The following SUPT3H variants were observed in gnomAD, a reference collection of about 807,000 sequenced individuals.
SUPT3H encodes transcription initiation protein SPT3 homolog.
A neutral mutation model predicts 44.3 loss-of-function variants in SUPT3H; 44 were observed. That is an observed-to-expected ratio of 0.99 (90% CI 0.78 to 1.28). The LOEUF (loss-of-function observed/expected upper bound fraction) is 1.28, where lower values mean the gene tolerates loss of function less well. Ranked by LOEUF, SUPT3H falls within the 50% of genes most tolerant of loss-of-function variation. SUPT3H has a pLI of 0.00. For missense variants in SUPT3H, 380 were observed against 387.1 expected (o/e 0.98, Z 0.15); for synonymous variants, 124 against 125.6 (o/e 0.99, Z 0.09).
intron 4 of SUPT3H, among the ~76,000 whole-genome samples, chr6:45,015,919 T>A (rs1004943721): frequency 6.6e-6 from 1 of 152,010 alleles, no homozygotes; most frequent in African/African-American, 2.4e-5. Context: ...TGCATGGAAC[T>A]GTCAGCTCCC....
intron 1 of SUPT3H, among the ~76,000 whole-genome samples, chr6:45,369,312 ACCCAAACT>A (rs1795656333): frequency 1.3e-5 from 2 of 152,050 alleles, no homozygotes; most frequent in Non-Finnish European, 2.9e-5. Context: ...CTCTCAACCT[ACCCAAACT>A]CTACTGACCT....
intron 3 of SUPT3H, chr6:45,099,176 C>G: frequency 3.6e-6 from 1 of 278,314 alleles, no homozygotes; most frequent in Non-Finnish European, 7.1e-6. Context: ...ACCACCCTTT[C>G]CTTTCATGAC....
intron 5 of SUPT3H, among the ~76,000 whole-genome samples, chr6:45,012,729 T>C (rs1231907234): frequency 6.6e-6 from 1 of 152,102 alleles, no homozygotes; most frequent in African/African-American, 2.4e-5. Context: ...ACTTGGCATA[T>C]CTAGTATTTT....
At chr6:45,285,897 G>A (rs935800237) in intron 2 of SUPT3H, among the ~76,000 whole-genome samples, 9 of 151,890 alleles carry the variant, frequency 5.9e-5, no homozygotes, top group African/African-American at 2.2e-4. Flanking sequence ...CAAAACAGAG[G>A]ATATAGACCA....
chr6:45,327,631 C>A (rs144733162), intron 2 of SUPT3H, among the ~76,000 whole-genome samples: 3 of 151,734 alleles, frequency 2.0e-5, no homozygotes, highest in Non-Finnish European at 4.4e-5. Context: ...ACTAGACAGA[C>A]GTGATTTAAA....
At chr6:44,901,443 T>C (rs1232029122) in intron 10 of SUPT3H, among the ~76,000 whole-genome samples, 1 of 151,896 alleles carries the variant, frequency 6.6e-6, no homozygotes, top group Non-Finnish European at 1.5e-5. Flanking sequence ...ATCAAATGAA[T>C]GAAATGAAGC....
At chr6:45,004,214 T>C (rs1408359776) in intron 5 of SUPT3H, among the ~76,000 whole-genome samples, 1 of 151,954 alleles carries the variant, frequency 6.6e-6, no homozygotes, top group Non-Finnish European at 1.5e-5. Flanking sequence ...ACATTAACGT[T>C]AGAAAATACA....
At chr6:45,230,686 A>ATATATATATATATT (rs796866510) in intron 2 of SUPT3H, among the ~76,000 whole-genome samples, 58 of 116,806 alleles carry the variant, frequency 5.0e-4, no homozygotes, top group South Asian at 2.8e-3. Flanking sequence ...ATATATATAT[A>ATATATATATATATT]TTTTTGAGAT....
At chr6:45,282,298 G>C (rs1778277910) in intron 2 of SUPT3H, among the ~76,000 whole-genome samples, 1 of 149,980 alleles carries the variant, frequency 6.7e-6, no homozygotes, top group African/African-American at 2.5e-5. Flanking sequence ...CCGAGCTAAA[G>C]GAGGTTCGAA....
At chr6:45,284,271 CA>C (rs1441040605) in intron 2 of SUPT3H, among the ~76,000 whole-genome samples, 1 of 151,768 alleles carries the variant, frequency 6.6e-6, no homozygotes, top group Admixed American at 6.6e-5. Flanking sequence ...AATAGAAACA[CA>C]AAAAACCCTT....
chr6:45,131,112 T>C (rs904196852), intron 2 of SUPT3H, among the ~76,000 whole-genome samples: 1 of 152,158 alleles, frequency 6.6e-6, no homozygotes, highest in African/African-American at 2.4e-5. Context: ...TCCATGATCC[T>C]GATTAGATCA....
chr6:45,316,640 A>C (rs1340505123), intron 2 of SUPT3H, among the ~76,000 whole-genome samples: 1 of 152,176 alleles, frequency 6.6e-6, no homozygotes, highest in Non-Finnish European at 1.5e-5. Context: ...CTATTCAAAA[A>C]AGAAATTTTA....
intron 2 of SUPT3H, among the ~76,000 whole-genome samples, chr6:45,262,687 G>A (rs10456550): frequency 0.046 from 6,961 of 152,186 alleles, 211 homozygotes; most frequent in Non-Finnish European, 0.071. Context: ...CACAGCAGAA[G>A]AAATTATCTG....
rs116775539 is a variant in SUPT3H at position 45,194,756 on chromosome 6, A to C, written c.102-88750T>G. Among the ~76,000 whole-genome samples the C allele has an allele frequency of 5.0e-3, 760 of 152,262 alleles. 12 individuals are homozygous for C. Among genetic ancestry groups the C allele is most frequent in the African/African-American group, 0.017 (705 of 41,562 alleles). On this transcript the variant is annotated intron_variant, in intron 2 of 10. Coordinates refer to ENST00000371459, the MANE Select transcript of SUPT3H (RefSeq NM_003599.4). ...ATGTCATTGCAATAGAAAAAAAATT[A>C]AACTGAACCTGCTGTGATATTTTTC... is the stretch of plus-strand genomic sequence containing the variant.
chr6:45,196,271 T>C (rs1353210680), intron 2 of SUPT3H, among the ~76,000 whole-genome samples: 1 of 152,056 alleles, frequency 6.6e-6, no homozygotes, highest in East Asian at 1.9e-4. Flanking sequence ...ATAGCACCAC[T>C]GTTTGGTTGT....
Position 45,184,331 on chromosome 6 carries a change from CT to C in SUPT3H, c.102-78326del, listed in dbSNP as rs575725338. 3.5e-4 allele frequency among the ~76,000 whole-genome samples: 54 copies of C among 152,118 alleles called. 1 individual carries two copies. The highest frequency in any genetic ancestry group is 1.2e-3 in the African/African-American group (51 of 41,518). On this transcript the variant is annotated intron_variant, in intron 2 of 10. Coordinates refer to ENST00000371459, the MANE Select transcript of SUPT3H (RefSeq NM_003599.4). ...TACCACATTAAAAGACAAAGCACTC[CT>C]TTTTTTATAGGAAAATAATCCTGTT...
At chr6:45,272,685 TTGA>T (rs1776386043) in intron 2 of SUPT3H, among the ~76,000 whole-genome samples, 1 of 152,064 alleles carries the variant, frequency 6.6e-6, no homozygotes, top group Non-Finnish European at 1.5e-5. Context: ...AAAATTGCTC[TTGA>T]TTGGAGGAAA....
At chr6:44,835,792 A>C (rs912914891) in intron 10 of SUPT3H, among the ~76,000 whole-genome samples, 2 of 152,048 alleles carry the variant, frequency 1.3e-5, no homozygotes, top group Non-Finnish European at 2.9e-5. Context: ...TGCTTCTAAC[A>C]GGCCTTTTTC....
chr6:45,299,753 A>C (rs963707889), intron 2 of SUPT3H, among the ~76,000 whole-genome samples: 4 of 109,178 alleles, frequency 3.7e-5, no homozygotes, highest in African/African-American at 1.2e-4. Context: ...CGGCTCTGCC[A>C]AAAAAAAAAA....
Sources: allele counts gnomAD v4.1 joint callset (sites outside exome capture counted in the v4.1 genomes callset), GRCh38; gene constraint gnomAD v4.1.1; transcripts MANE v1.5; gene names NCBI Gene and HGNC (gene_info 2026-07-23, HGNC 2026-07-21).